RBFOX1: variants seen among roughly 807,000 people sequenced by gnomAD.
The protein encoded by RBFOX1 is RNA binding protein fox-1 homolog 1.
Under a neutral mutation model 57.7 loss-of-function variants are expected in RBFOX1, and 8 were observed. That is an observed-to-expected ratio of 0.14 (90% CI 0.08 to 0.25). The LOEUF is 0.25. Among genes scored for constraint, RBFOX1 ranks in the 10% least tolerant of loss-of-function variants. RBFOX1 has a pLI of 1.00. For synonymous variants in RBFOX1, 326 were observed against 222.4 expected (o/e 1.47, Z -4.15); for missense variants, 611 against 548.5 (o/e 1.11, Z -1.14).
chr16:6,943,434 C>T (rs369211118), intron 3 of RBFOX1, among the ~76,000 whole-genome samples: 10 of 152,270 alleles, frequency 6.6e-5, no homozygotes, highest in Admixed American at 2.6e-4. Flanking sequence ...GTGGGCCGGG[C>T]GTGGTGGCTC....
intron 1 of RBFOX1, among the ~76,000 whole-genome samples, chr16:5,432,299 G>C (rs1359551417): frequency 6.7e-6 from 1 of 149,510 alleles, no homozygotes; most frequent in Non-Finnish European, 1.5e-5. Context: ...GAAAAGGCAG[G>C]CCTCGCCGCA....
intron 4 of RBFOX1, among the ~76,000 whole-genome samples, chr16:7,186,267 C>T (rs59875092): frequency 0.36 from 27,293 of 74,948 alleles, 4,062 homozygotes; most frequent in African/African-American, 0.44. Context: ...TTTATATAAA[C>T]ATAAACATAA....
chr16:5,480,468 A>T (rs903128451), intron 2 of RBFOX1, among the ~76,000 whole-genome samples: 4 of 152,152 alleles, frequency 2.6e-5, no homozygotes, highest in African/African-American at 4.8e-5. Context: ...TGTTCCATGA[A>T]CTCACTACCA....
intron 2 of RBFOX1, among the ~76,000 whole-genome samples, chr16:6,610,630 C>T (rs897267602): frequency 2.0e-5 from 3 of 152,066 alleles, no homozygotes; most frequent in Non-Finnish European, 4.4e-5. Flanking sequence ...ACACCCCACC[C>T]GATCAACATT....
intron 2 of RBFOX1, among the ~76,000 whole-genome samples, chr16:6,327,004 G>A (rs1027357171): frequency 6.6e-6 from 1 of 152,100 alleles, no homozygotes; most frequent in Non-Finnish European, 1.5e-5. Context: ...CTTTGTGCTC[G>A]TTTTAAACTT....
chr16:5,486,420 G>T (rs1280989733), intron 2 of RBFOX1, among the ~76,000 whole-genome samples: 1 of 152,208 alleles, frequency 6.6e-6, no homozygotes, highest in African/African-American at 2.4e-5. Flanking sequence ...TTTCCCAGCA[G>T]ACATCAGTAT....
chr16:5,407,019 G>C (rs990715743), intron 1 of RBFOX1, among the ~76,000 whole-genome samples: 3 of 152,100 alleles, frequency 2.0e-5, no homozygotes, highest in Non-Finnish European at 4.4e-5. Context: ...CCCTAGACTG[G>C]GTAATTTATA....
chr16:7,257,928 C>T (rs1293613702), intron 4 of RBFOX1, among the ~76,000 whole-genome samples: 1 of 152,122 alleles, frequency 6.6e-6, no homozygotes, highest in East Asian at 1.9e-4. Context: ...GTATCTCCTG[C>T]TTTCAAGGGA....
rs545290878 is a variant in RBFOX1, at chr16:5,583,490, C to CT, written c.259-15404dup. ...CTTCTGATTCCTGTACGTCACTTTA[C>CT]TTTTTTTTGTCTGTAAATTTGTTCT... On this transcript the variant is annotated intron_variant, in intron 2 of 2. Coordinates refer to the RBFOX1 transcript ENST00000585867. 5.9e-3 allele frequency among the ~76,000 whole-genome samples: 895 copies of CT among 152,170 alleles called. 8 individuals carry two copies. Among genetic ancestry groups the CT allele is most frequent in the Middle Eastern group, 0.014 (4 of 292 alleles).
chr16:5,976,012 C>A (rs575095585), intron 4 of RBFOX1, among the ~76,000 whole-genome samples: 2 of 151,782 alleles, frequency 1.3e-5, no homozygotes, highest in African/African-American at 4.8e-5. Flanking sequence ...GATGTGGTGG[C>A]GTGTACCTGT....
chr16:6,256,723 A>G (rs2097670020), intron 1 of RBFOX1, among the ~76,000 whole-genome samples: 1 of 152,094 alleles, frequency 6.6e-6, no homozygotes, highest in Non-Finnish European at 1.5e-5. Flanking sequence ...CACTCATGAC[A>G]TGCCAGCAGT....
intron 1 of RBFOX1, among the ~76,000 whole-genome samples, chr16:6,131,258 A>G (rs2096627745): frequency 6.6e-6 from 1 of 152,190 alleles, no homozygotes; most frequent in African/African-American, 2.4e-5. Context: ...AAGTCTTTAA[A>G]TCTTTATTAG....
intron 2 of RBFOX1, among the ~76,000 whole-genome samples, chr16:6,599,619 T>G (rs1235959201): frequency 6.6e-6 from 1 of 152,152 alleles, no homozygotes; most frequent in Non-Finnish European, 1.5e-5. Context: ...CAGGCTAATC[T>G]TTTTATTCCT....
Position 5,504,361 on chromosome 16 carries a change from A to T in RBFOX1, c.258+37107A>T, listed in dbSNP as rs944974861. Among the ~76,000 whole-genome samples, 3 of 152,204 alleles carry T rather than the reference A, an allele frequency of 2.0e-5. No homozygotes were observed. In the East Asian group the frequency reaches 5.8e-4, roughly 29 times the overall value. On this transcript the variant is annotated intron_variant, in intron 2 of 2. Coordinates refer to the RBFOX1 transcript ENST00000585867. ...GGACTTGGCTCTGCAACGCTTGCCC[A>T]GCCTGGCCCAGGCTCCTGGATAACA...
intron 3 of RBFOX1, among the ~76,000 whole-genome samples, chr16:6,702,789 C>T (rs1472091846): frequency 6.6e-6 from 1 of 151,832 alleles, no homozygotes; most frequent in Non-Finnish European, 1.5e-5. Context: ...TAAAATGTAC[C>T]ACCTTAGCCA....
chr16:7,069,530 T>C (rs117902226), intron 4 of RBFOX1, among the ~76,000 whole-genome samples: 1,632 of 152,302 alleles, frequency 0.011, 16 homozygotes, highest in Non-Finnish European at 0.017. Flanking sequence ...CATGATAGTG[T>C]GCTTTTACAC....
intron 1 of RBFOX1, among the ~76,000 whole-genome samples, chr16:5,358,207 C>T (rs951804257): frequency 7.9e-5 from 12 of 152,034 alleles, no homozygotes; most frequent in Non-Finnish European, 1.5e-5. Flanking sequence ...CCTCTACCTT[C>T]ACATTAGCTA....
chr16:5,253,829 C>G (rs539299996), intron 1 of RBFOX1, among the ~76,000 whole-genome samples: 1 of 152,368 alleles, frequency 6.6e-6, no homozygotes, highest in South Asian at 2.1e-4. Flanking sequence ...CCTGCTCTTG[C>G]TGCCTGGAAA....
At chr16:6,275,542 T>C (rs1270948213) in intron 1 of RBFOX1, among the ~76,000 whole-genome samples, 3 of 152,244 alleles carry the variant, frequency 2.0e-5, no homozygotes, top group African/African-American at 7.2e-5. Flanking sequence ...GAAAAAATGG[T>C]ATGTTGTTGT....
Sources: gnomAD v4.1 joint callset for allele counts (sites outside exome capture counted in the v4.1 genomes callset) on GRCh38, gnomAD v4.1.1 for gene constraint, MANE v1.5 for transcripts, NCBI Gene and HGNC (gene_info 2026-07-23, HGNC 2026-07-21) for gene names.